Variants in SLCO2A1 observed in about 807,000 individuals in gnomAD.
The protein encoded by SLCO2A1 is solute carrier organic anion transporter family member 2A1.
A neutral mutation model predicts 71.7 loss-of-function variants in SLCO2A1; 60 were observed. The observed-to-expected ratio is 0.84, with a 90% CI of 0.68 to 1.04. SLCO2A1 has a LOEUF of 1.04. SLCO2A1 is among the 50% of genes least tolerant of loss of function. The pLI is 0.00. For synonymous variants in SLCO2A1, 308 were observed against 326.7 expected (o/e 0.94, Z 0.62); for missense variants, 745 against 813.4 (o/e 0.92, Z 1.02).
intron 1 of SLCO2A1, among the ~76,000 whole-genome samples, chr3:134,015,348 A>G (rs1431227400): frequency 6.6e-6 from 1 of 151,910 alleles, no homozygotes; most frequent in Non-Finnish European, 1.5e-5. Flanking sequence ...CAGAAAGACA[A>G]ATACCTCATG....
At chr3:133,949,148 A>C (rs1260781785) in intron 6 of SLCO2A1, 177 bp from the exon 7 acceptor site, 2 of 606,962 alleles carry the variant, frequency 3.3e-6, no homozygotes, top group Non-Finnish European at 2.9e-6. Flanking sequence ...CAGCACCTGC[A>C]TTTCCGTGAG....
chr3:133,982,832 G>A (rs972222687), intron 1 of SLCO2A1, among the ~76,000 whole-genome samples: 2 of 152,024 alleles, frequency 1.3e-5, no homozygotes, highest in African/African-American at 2.4e-5. Flanking sequence ...GCACAAACAC[G>A]AGCAGGTCAC....
intron 1 of SLCO2A1, among the ~76,000 whole-genome samples, chr3:133,984,116 A>G (rs1210994725): frequency 6.6e-6 from 1 of 152,254 alleles, no homozygotes; most frequent in East Asian, 1.9e-4. Context: ...GTAATGAATT[A>G]ACAGGAGTGA....
At chr3:133,949,345 T>C (rs113594638) in intron 6 of SLCO2A1, 52 of 255,328 alleles carry the variant, frequency 2.0e-4, no homozygotes, top group African/African-American at 1.0e-3. Context: ...GGATACTGGC[T>C]TCTGGGACAC....
chr3:133,973,635 C>G (rs759841064), intron 3 of SLCO2A1, 28 bp downstream of exon 3: 1 of 1,611,792 alleles, frequency 6.2e-7, no homozygotes, highest in South Asian at 1.1e-5. Context: ...TTCCTTACCC[C>G]TTGAGGCAGG....
chr3:133,954,786 C>G (rs1237108706), intron 4 of SLCO2A1, among the ~76,000 whole-genome samples, 180 bp downstream of exon 4: 1 of 152,162 alleles, frequency 6.6e-6, no homozygotes, highest in Non-Finnish European at 1.5e-5. Context: ...TCAGATCACA[C>G]AGCTGGGAGG....
intron 3 of SLCO2A1, among the ~76,000 whole-genome samples, chr3:133,965,686 G>A (rs990893118): frequency 6.6e-6 from 1 of 152,120 alleles, no homozygotes; most frequent in Admixed American, 6.5e-5. Flanking sequence ...CACAATTCCA[G>A]CCTGTGAGGA....
At chr3:134,018,395 T>C (rs1935505847) in intron 1 of SLCO2A1, among the ~76,000 whole-genome samples, 1 of 152,196 alleles carries the variant, frequency 6.6e-6, no homozygotes, top group Non-Finnish European at 1.5e-5. Context: ...GCCTCCCCAT[T>C]GCTGGGGGTC....
Position 133,948,601 on chromosome 3 carries a change from G to A in SLCO2A1, c.1040C>T (p.Thr347Ile), listed in dbSNP as rs1442036331. Residue 347 changes from threonine (T) to isoleucine (I), a missense_variant, in exon 8 of 14, where the codon ACC becomes ATC. Transcript: ENST00000310926. ...CTTCTCCAGGAACTTGTTGAGGAAG[G>A]TGGAGAGGCCAGCAATGACGGAGGA... ...TFSSVIAGLS[T>I]FLNKFLEKQY... is the part of the protein sequence containing the mutation. 1 of 1,614,076 alleles carries A rather than the reference G, an allele frequency of 6.2e-7. No homozygotes were observed. Among genetic ancestry groups the A allele is most frequent in the Non-Finnish European group, 8.5e-7 (1 of 1,180,032 alleles).
chr3:133,990,752 C>T (rs1362829924), intron 1 of SLCO2A1, among the ~76,000 whole-genome samples: 1 of 152,066 alleles, frequency 6.6e-6, no homozygotes, highest in Non-Finnish European at 1.5e-5. Flanking sequence ...GCTTAAGAGG[C>T]CAATAAGGAT....
At chr3:133,975,325 A>G (rs1934418452) in intron 2 of SLCO2A1, among the ~76,000 whole-genome samples, 1 of 152,052 alleles carries the variant, frequency 6.6e-6, no homozygotes. Context: ...TTCGAACATC[A>G]TCTTGACTTC....
At chr3:133,958,382 G>A (rs1933944261) in intron 3 of SLCO2A1, among the ~76,000 whole-genome samples, 1 of 152,204 alleles carries the variant, frequency 6.6e-6, no homozygotes, top group Non-Finnish European at 1.5e-5. Flanking sequence ...CAGAGTGTTA[G>A]GCTCACTGGT....
At chr3:134,005,458 G>C (rs1329943781) in intron 1 of SLCO2A1, among the ~76,000 whole-genome samples, 1 of 149,660 alleles carries the variant, frequency 6.7e-6, no homozygotes, top group Non-Finnish European at 1.5e-5. Flanking sequence ...GAAATAATGA[G>C]TAGTCCATTT....
rs951412127 is a variant in SLCO2A1 at position 133,942,592 on chromosome 3, G to T, written c.1625+13C>A. The T allele has an allele frequency of 3.1e-5, 50 of 1,601,836 alleles. No homozygotes were observed. Among genetic ancestry groups the T allele is most frequent in the Non-Finnish European group, 4.2e-5 (49 of 1,173,316 alleles). ...GAAGCCACGCCCCAGACTCACAGAG[G>T]TTTGCCACTCACCGCAGAACCATCA... On this transcript the variant is annotated intron_variant, in intron 11 of 13. Transcript: ENST00000310926.
chr3:133,983,456 C>T (rs1159356694), intron 1 of SLCO2A1, among the ~76,000 whole-genome samples: 1 of 152,246 alleles, frequency 6.6e-6, no homozygotes, highest in Non-Finnish European at 1.5e-5. Flanking sequence ...TTGTCAGCAA[C>T]CTAAATGTGG....
At chr3:133,985,259 C>T (rs890307064) in intron 1 of SLCO2A1, among the ~76,000 whole-genome samples, 1 of 152,206 alleles carries the variant, frequency 6.6e-6, no homozygotes, top group African/African-American at 2.4e-5. Context: ...TGTGCAATCA[C>T]ATTTGCATAT....
intron 3 of SLCO2A1, among the ~76,000 whole-genome samples, chr3:133,957,584 A>G (rs1933927557): frequency 6.6e-6 from 1 of 152,166 alleles, no homozygotes; most frequent in Non-Finnish European, 1.5e-5. Flanking sequence ...AGAACATGGC[A>G]TGGGAAGATT....
At chr3:134,009,438 A>G (rs1935287006) in intron 1 of SLCO2A1, among the ~76,000 whole-genome samples, 1 of 152,206 alleles carries the variant, frequency 6.6e-6, no homozygotes, top group Non-Finnish European at 1.5e-5. Flanking sequence ...ATGTCCCATG[A>G]TTTATTTATT....
chr3:134,017,907 G>C (rs1025133155), intron 1 of SLCO2A1, among the ~76,000 whole-genome samples: 9 of 152,150 alleles, frequency 5.9e-5, no homozygotes, highest in Admixed American at 3.3e-4. Flanking sequence ...GGATCTCTCA[G>C]AATGGAAAAA....
Sources: gnomAD v4.1 joint callset for allele counts (sites outside exome capture counted in the v4.1 genomes callset) on GRCh38, gnomAD v4.1.1 for gene constraint, MANE v1.5 for transcripts, NCBI Gene and HGNC (gene_info 2026-07-23, HGNC 2026-07-21) for gene names.